Variants in CADPS observed in about 807,000 individuals in gnomAD.
CADPS encodes the protein calcium-dependent secretion activator 1.
A neutral mutation model predicts 167.3 loss-of-function variants in CADPS; 57 were observed. That is an observed-to-expected ratio of 0.34 (90% confidence interval 0.28 to 0.42). CADPS has a LOEUF of 0.42. Among genes scored for constraint, CADPS ranks in the 20% least tolerant of loss-of-function variants. CADPS has a pLI of 1.00. For synonymous variants in CADPS, 676 were observed against 635.3 expected (o/e 1.06, Z -0.96); for missense variants, 1,414 against 1,738.1 (o/e 0.81, Z 3.32).
chr3:62,419,723 C>T (rs997368929), intron 28 of CADPS, among the ~76,000 whole-genome samples: 2 of 152,042 alleles, frequency 1.3e-5, no homozygotes, highest in African/African-American at 2.4e-5. Flanking sequence ...GAGTGAACTG[C>T]ATTAATTCGC....
chr3:62,478,022 C>G lies in CADPS; in HGVS notation c.3329+239G>C. 1 of 484,716 alleles carries G rather than the reference C, an allele frequency of 2.1e-6. No homozygotes were observed. The highest frequency in any genetic ancestry group is 3.7e-6 in the Non-Finnish European group (1 of 269,814). The allele number at this position is 484,716 out of a possible 1,614,324, so 30.0% of individuals were successfully genotyped here. On this transcript the variant is annotated intron_variant, in intron 23 of 29. Coordinates refer to ENST00000383710, the MANE Select transcript of CADPS (RefSeq NM_003716.4). The surrounding 1 kb of genome is among the most constrained non-coding windows in gnomAD (Gnocchi z 5.7). ...AAAGAATGGACAGGGATCTTTTCCT[C>G]TTAAAGCCAACAACCATGAAAAAAT... is the stretch of plus-strand genomic sequence containing the variant.
intron 6 of CADPS, among the ~76,000 whole-genome samples, chr3:62,603,993 ATTT>A (rs11426162): frequency 6.8e-6 from 1 of 147,606 alleles, no homozygotes; most frequent in Non-Finnish European, 1.5e-5. Context: ...CGCCCGGCTA[ATTT>A]TTTTTTTTTA....
chr3:62,804,438 T>A (rs1277319117), intron 1 of CADPS, among the ~76,000 whole-genome samples: 3 of 152,026 alleles, frequency 2.0e-5, no homozygotes, highest in African/African-American at 7.2e-5. Context: ...GGTGAGTGAC[T>A]GAGAGAGAGA....
intron 3 of CADPS, among the ~76,000 whole-genome samples, chr3:62,706,044 T>C (rs1580815399): frequency 2.0e-5 from 3 of 152,232 alleles, no homozygotes; most frequent in South Asian, 2.1e-4. Context: ...TCAAGTAATG[T>C]TGTCACTATC....
chr3:62,496,986 C>T (rs1298978748), intron 18 of CADPS, among the ~76,000 whole-genome samples: 2 of 152,138 alleles, frequency 1.3e-5, no homozygotes, highest in Non-Finnish European at 2.9e-5. Context: ...GTTTTCATTA[C>T]TAAGTTTTAA....
chr3:62,845,307 G>A (rs1358746885), intron 1 of CADPS, among the ~76,000 whole-genome samples: 3 of 152,148 alleles, frequency 2.0e-5, no homozygotes, highest in Non-Finnish European at 4.4e-5. Context: ...TCCCCAGATA[G>A]AAGTGTTAAG....
Position 62,874,872 on chromosome 3 carries a change from G to GCGC in CADPS, c.155_157dup (p.Gly52dup), listed in dbSNP as rs999175689. 2.6e-6 allele frequency: 3 copies of GCGC among 1,145,656 alleles called. No individual in the cohort carries two copies. The African/African-American group carries it at 5.0e-5, about 19-fold the overall frequency. The allele number at this position is 1,145,656 out of a possible 1,614,324, so 71.0% of individuals were successfully genotyped here. On this transcript the variant is annotated inframe_insertion, in exon 1 of 30. Transcript: ENST00000383710. This position sits in a 1 kb window ranked among gnomAD's most constrained non-coding sequence, Gnocchi z 7.1. ...TGCACCCACCCCGGCTCCGGCGCCG[G>GCGC]CGCCGCCGCCCCCCAGCCCGGCGCT... is the stretch of plus-strand genomic sequence containing the variant.
At chr3:62,692,561 A>G (rs1948928) in intron 3 of CADPS, among the ~76,000 whole-genome samples, 149,755 of 152,130 alleles carry the variant, frequency 0.98, 73,761 homozygotes, top group Middle Eastern at 1. Flanking sequence ...AAATCCATAA[A>G]CCTACATCTC....
chr3:62,845,632 G>A (rs10510888), intron 1 of CADPS, among the ~76,000 whole-genome samples: 29,550 of 152,034 alleles, frequency 0.19, 3,261 homozygotes, highest in Middle Eastern at 0.35. Context: ...GAAGGTTTTG[G>A]CATGTGATTT....
At chr3:62,772,912 G>C (rs1350462864) in intron 1 of CADPS, among the ~76,000 whole-genome samples, 3 of 152,104 alleles carry the variant, frequency 2.0e-5, no homozygotes, top group African/African-American at 7.2e-5. Flanking sequence ...ACATAAATTA[G>C]GTCCTTTTCT....
At chr3:62,579,592 G>A (rs914123500) in intron 8 of CADPS, among the ~76,000 whole-genome samples, 1 of 152,102 alleles carries the variant, frequency 6.6e-6, no homozygotes, top group African/African-American at 2.4e-5. Flanking sequence ...TTGGAGATCT[G>A]GGTGAAAGGG....
At chr3:62,733,329 A>G (rs2078308833) in intron 3 of CADPS, among the ~76,000 whole-genome samples, 1 of 152,172 alleles carries the variant, frequency 6.6e-6, no homozygotes, top group Non-Finnish European at 1.5e-5. Flanking sequence ...AAGAGCGTCT[A>G]TGGATGCTTC....
intron 28 of CADPS, among the ~76,000 whole-genome samples, chr3:62,409,436 A>T (rs575545512): frequency 6.6e-5 from 10 of 152,362 alleles, no homozygotes; most frequent in Admixed American, 3.3e-4. Flanking sequence ...CATTTTATGA[A>T]GATAGAAAGT....
chr3:62,492,139 CTGTA>C (rs1230233595), intron 20 of CADPS, 147 bp downstream of exon 20: 2 of 673,660 alleles, frequency 3.0e-6, no homozygotes, highest in African/African-American at 3.6e-5. Flanking sequence ...TACCCTTCAG[CTGTA>C]TGTTTCTTTT....
At chr3:62,705,915 A>G (rs988258000) in intron 3 of CADPS, among the ~76,000 whole-genome samples, 1 of 152,136 alleles carries the variant, frequency 6.6e-6, no homozygotes, top group African/African-American at 2.4e-5. Context: ...TTTTGAAAAC[A>G]TATATCACAT....
In CADPS at chr3:62,465,075, G is replaced by C. The variant is rs769349006; in HGVS notation, c.3636+292C>G. Among the ~76,000 whole-genome samples the C allele has an allele frequency of 3.3e-5, 5 of 152,184 alleles. No homozygotes were observed. Among genetic ancestry groups the C allele is most frequent in the Admixed American group, 6.5e-5 (1 of 15,278 alleles). Reference sequence around the variant, plus strand: ...CACATTAAGTCATTTGCCAGAGCTAGCTAAGGTGGGCTTAGGTAGGCAAAT... The same window carrying C: ...CACATTAAGTCATTTGCCAGAGCTACCTAAGGTGGGCTTAGGTAGGCAAAT... On this transcript the variant is annotated intron_variant, in intron 26 of 29. Transcript: ENST00000383710. The surrounding 1 kb of genome is among the most constrained non-coding windows in gnomAD (Gnocchi z 4.1).
chr3:62,399,702 T>C lies in CADPS; in HGVS notation c.3883-117A>G. ...ACCTTCAGCTAAATATCACACTTTA[T>C]GCATTGTCAAATAAAAAGCCACTGT... is the stretch of plus-strand genomic sequence containing the variant. On this transcript the variant is annotated intron_variant, in intron 29 of 29. Transcript: ENST00000383710. The surrounding 1 kb of genome is among the most constrained non-coding windows in gnomAD (Gnocchi z 5.6). 2.7e-6 allele frequency: 2 copies of C among 743,732 alleles called. No individual in the cohort carries two copies. Among genetic ancestry groups the C allele is most frequent in the East Asian group, 2.5e-5 (1 of 40,004 alleles). 46.1% of individuals were successfully genotyped at this position (743,732 alleles called of 1,614,324 possible). A position where few individuals can be genotyped will look rare whatever the true frequency, so the allele number is the denominator to read the frequency against.
intron 28 of CADPS, among the ~76,000 whole-genome samples, chr3:62,414,398 C>A (rs1033511630): frequency 3.9e-5 from 6 of 152,174 alleles, no homozygotes; most frequent in African/African-American, 1.2e-4. Context: ...TTTTAGGAAA[C>A]AATTAAGTAG....
intron 3 of CADPS, among the ~76,000 whole-genome samples, chr3:62,701,742 C>A (rs1240228094): frequency 6.6e-6 from 1 of 151,996 alleles, no homozygotes; most frequent in Non-Finnish European, 1.5e-5. Flanking sequence ...GAGAAAGATG[C>A]CTTGTAGAAT....
Sources: allele counts gnomAD v4.1 joint callset (sites outside exome capture counted in the v4.1 genomes callset), GRCh38; gene constraint gnomAD v4.1.1; non-coding constraint Gnocchi (gnomAD v3.1); transcripts MANE v1.5; gene names NCBI Gene and HGNC (gene_info 2026-07-23, HGNC 2026-07-21).